Variants in CYB5R4 observed in about 807,000 individuals in gnomAD.
The protein encoded by CYB5R4 is N-terminal cytochrome b5 and cytochrome b5 oxidoreductase domain-containing protein.
In CYB5R4, 55 loss-of-function variants were observed where a neutral mutation model predicts 70.2. That is an observed-to-expected ratio of 0.78 (90% CI 0.63 to 0.98). CYB5R4 has a LOEUF of 0.98. Among genes scored for constraint, CYB5R4 ranks in the 50% least tolerant of loss-of-function variants. The pLI is 0.00. For synonymous variants in CYB5R4, 197 were observed against 199.5 expected (o/e 0.99, Z 0.11); for missense variants, 562 against 612.6 (o/e 0.92, Z 0.87).
intron 14 of CYB5R4, among the ~76,000 whole-genome samples, chr6:83,949,431 A>C (rs920775588): frequency 5.9e-5 from 9 of 152,032 alleles, no homozygotes; most frequent in African/African-American, 1.7e-4. Context: ...GTAAATCATC[A>C]CTCTTTACCA....
intron 12 of CYB5R4, 33 bp downstream of exon 12, chr6:83,936,409 G>T (rs1435093824): frequency 6.3e-7 from 1 of 1,592,856 alleles, no homozygotes; most frequent in South Asian, 1.1e-5. Context: ...AACCTCATTT[G>T]TGCTCTAGAT....
intron 1 of CYB5R4, among the ~76,000 whole-genome samples, chr6:83,863,768 TACA>T (rs1269551933): frequency 6.6e-6 from 1 of 152,162 alleles, no homozygotes; most frequent in Admixed American, 6.5e-5. Flanking sequence ...AACAATGCAA[TACA>T]ACAACCATTT....
chr6:83,946,236 G>A (rs2099470591), intron 14 of CYB5R4, among the ~76,000 whole-genome samples: 1 of 152,064 alleles, frequency 6.6e-6, no homozygotes, highest in Admixed American at 6.6e-5. Context: ...CGATCAAGTG[G>A]GCTTTATCCC....
At chr6:83,928,567 A>G (rs868570092) in intron 10 of CYB5R4, among the ~76,000 whole-genome samples, 1 of 152,330 alleles carries the variant, frequency 6.6e-6, no homozygotes, top group Middle Eastern at 3.4e-3. Context: ...TACTGGTTGC[A>G]TATTGTGCCA....
At chr6:83,913,546 T>A (rs1466451028) in intron 4 of CYB5R4, among the ~76,000 whole-genome samples, 1 of 152,186 alleles carries the variant, frequency 6.6e-6, no homozygotes, top group East Asian at 1.9e-4. Context: ...AGGATGGTCA[T>A]TTGGCTTCCT....
At chr6:83,875,713 A>G (rs1412621040) in intron 2 of CYB5R4, among the ~76,000 whole-genome samples, 1 of 152,164 alleles carries the variant, frequency 6.6e-6, no homozygotes, top group African/African-American at 2.4e-5. Context: ...ACATGTGGAG[A>G]TGTGCTCTGC....
intron 9 of CYB5R4, 93 bp from the exon 10 acceptor site, chr6:83,924,377 C>A: frequency 7.7e-7 from 1 of 1,300,946 alleles, no homozygotes; most frequent in Non-Finnish European, 1.1e-6. Flanking sequence ...CATATTAGAT[C>A]AGGACACTTG....
chr6:83,920,561 T>C (rs1178716045), intron 7 of CYB5R4, among the ~76,000 whole-genome samples: 2 of 152,128 alleles, frequency 1.3e-5, no homozygotes, highest in East Asian at 3.9e-4. Flanking sequence ...ATATAAATAA[T>C]ATATATCTTA....
intron 9 of CYB5R4, 99 bp from the exon 10 acceptor site, chr6:83,924,370 AT>A: frequency 8.2e-7 from 1 of 1,217,792 alleles, no homozygotes; most frequent in Non-Finnish European, 1.1e-6. Context: ...TACCATTCAT[AT>A]TAGATCAGGA....
rs1036992836 is a variant in CYB5R4 at position 83,936,316 on chromosome 6, T to A, written c.1048T>A (p.Phe350Ile). ...TCTTCCCAACAATAAATACATCTAC[T>A]TTTTGATAAAAATCTATCCCACTGG... is the stretch of plus-strand genomic sequence containing the variant. ...PVLPNNKYIY[F>I]LIKIYPTGLF... The change falls in exon 12 of 16, where the codon TTT becomes ATT. Residue 350 changes from phenylalanine (F) to isoleucine (I), a missense_variant. Phe to Ile is a conservative substitution (Grantham distance 21). Transcript: ENST00000369681. 1 of 1,612,900 alleles carries A rather than the reference T, an allele frequency of 6.2e-7. No homozygotes were observed. The highest frequency in any genetic ancestry group is 8.5e-7 in the Non-Finnish European group (1 of 1,179,374).
chr6:83,896,139 C>T (rs1053031224), intron 3 of CYB5R4, among the ~76,000 whole-genome samples: 2 of 152,120 alleles, frequency 1.3e-5, no homozygotes, highest in Non-Finnish European at 2.9e-5. Flanking sequence ...GCCCCAGTAT[C>T]CAATCACTGG....
At chr6:83,928,575 C>CAAAATGCA (rs1327652043) in intron 10 of CYB5R4, among the ~76,000 whole-genome samples, 2 of 151,874 alleles carry the variant, frequency 1.3e-5, no homozygotes, top group Non-Finnish European at 2.9e-5. Context: ...GCATATTGTG[C>CAAAATGCA]CAAGCATTTT....
intron 2 of CYB5R4, among the ~76,000 whole-genome samples, chr6:83,878,589 A>G (rs9344367): frequency 0.18 from 27,661 of 152,058 alleles, 5,318 homozygotes; most frequent in African/African-American, 0.47. Flanking sequence ...CTTGTGATCC[A>G]CCTGCCTCGG....
rs2099473600 is a variant in CYB5R4, at chr6:83,963,245, G to A, written c.*3367G>A. On this transcript the variant is annotated 3_prime_UTR_variant, in exon 16 of 16. Transcript: ENST00000369681. ...GATGATTAGGTTTTGTCTAGATAGG[G>A]GCCCTTGCTATGGGCCCTCAGTTTT... 2 of 152,058 alleles carry A rather than the reference G, an allele frequency of 1.3e-5. No homozygotes were observed. Among genetic ancestry groups the A allele is most frequent in the African/African-American group, 2.4e-5 (1 of 41,402 alleles). 9.4% of individuals were successfully genotyped at this position (152,058 alleles called of 1,614,324 possible).
intron 1 of CYB5R4, among the ~76,000 whole-genome samples, chr6:83,860,320 GATGGGGACTT>G (rs1192794301): frequency 1.3e-5 from 2 of 152,092 alleles, no homozygotes; most frequent in Non-Finnish European, 1.5e-5. Context: ...TCCGTGCAAG[GATGGGGACTT>G]CTGGAGTTGG....
At chr6:83,940,287 G>T in intron 13 of CYB5R4, 81 bp downstream of exon 13, 1 of 1,279,322 alleles carries the variant, frequency 7.8e-7, no homozygotes, top group South Asian at 1.5e-5. Context: ...TTACTCACTG[G>T]ACCTTAATAG....
intron 3 of CYB5R4, among the ~76,000 whole-genome samples, chr6:83,898,703 G>A (rs1238639005): frequency 6.6e-6 from 1 of 151,960 alleles, no homozygotes; most frequent in Admixed American, 6.6e-5. Flanking sequence ...TGGATTCCTA[G>A]GTATTTTATT....
chr6:83,864,035 A>C lies in CYB5R4; in HGVS notation c.76-140A>C, dbSNP rs1291535045. The C allele has an allele frequency of 6.7e-6, 5 of 751,652 alleles. No individual in the cohort carries two copies. The African/African-American group carries it at 9.0e-5, about 14-fold the overall frequency. 46.6% of individuals were successfully genotyped at this position (751,652 alleles called of 1,614,324 possible). On this transcript the variant is annotated intron_variant, in intron 1 of 15. Transcript: ENST00000369681. The stretch of plus-strand genomic sequence containing the variant: ...TTCTAAGCCCTACCTTTTATAATTC[A>C]AATACAGCATAAACAATGTTGACAG...
intron 2 of CYB5R4, among the ~76,000 whole-genome samples, chr6:83,888,650 G>A (rs1463944812): frequency 6.6e-6 from 1 of 152,078 alleles, no homozygotes; most frequent in African/African-American, 2.4e-5. Context: ...TCCATTCCCT[G>A]AGACCCAACA....
Sources: gnomAD v4.1 joint callset for allele counts (sites outside exome capture counted in the v4.1 genomes callset) on GRCh38, gnomAD v4.1.1 for gene constraint, MANE v1.5 for transcripts, NCBI Gene and HGNC (gene_info 2026-07-23, HGNC 2026-07-21) for gene names.